CTNND2: variants seen among roughly 807,000 people sequenced by gnomAD.
CTNND2 encodes catenin delta 2, also known as catenin delta-2.
A neutral mutation model predicts 144.4 loss-of-function variants in CTNND2; 22 were observed. The observed-to-expected ratio is 0.15, with a 90% CI of 0.11 to 0.22. CTNND2 has a LOEUF of 0.22. Among genes scored for constraint, CTNND2 ranks in the 10% least tolerant of loss-of-function variants. CTNND2 has a pLI of 1.00. For missense variants in CTNND2, 1,353 were observed against 1,618.8 expected, an observed-to-expected ratio of 0.84 and a Z score of 2.82; for synonymous variants, 751 against 695.6, an observed-to-expected ratio of 1.08 and a Z score of -1.25.
chr5:11,446,665 G>T (rs943056060), intron 3 of CTNND2, among the ~76,000 whole-genome samples: 2 of 151,374 alleles, frequency 1.3e-5, no homozygotes, highest in African/African-American at 4.9e-5. Context: ...GCTGGGTTCA[G>T]TCTGTACCCC....
At chr5:11,764,296 T>G (rs1352073169) in intron 1 of CTNND2, among the ~76,000 whole-genome samples, 1 of 152,168 alleles carries the variant, frequency 6.6e-6, no homozygotes, top group Non-Finnish European at 1.5e-5. Context: ...ATTGGCCAAG[T>G]GAGGCCTATT....
Position 11,468,369 on chromosome 5 carries a change from A to ACTCATTT in CTNND2, c.288-56307_288-56301dup, listed in dbSNP as rs1434584097. Among the ~76,000 whole-genome samples the ACTCATTT allele has an allele frequency of 3.3e-5, 5 of 152,246 alleles. No homozygotes were observed. In the East Asian group the frequency reaches 7.7e-4, roughly 23 times the overall value. ...AGAAAATCATTAAGATGAATAATAA[A>ACTCATTT]CTCATTTAGGACACTTTTGGTTTTA... On this transcript the variant is annotated intron_variant, in intron 3 of 21. Transcript: ENST00000304623.
At chr5:11,682,573 A>G (rs945433533) in intron 2 of CTNND2, among the ~76,000 whole-genome samples, 14 of 152,276 alleles carry the variant, frequency 9.2e-5, no homozygotes, top group African/African-American at 3.4e-4. Flanking sequence ...TTCTTAACGG[A>G]TTTTTGCTGT....
chr5:11,619,117 T>C (rs142158676), intron 2 of CTNND2, among the ~76,000 whole-genome samples: 4,189 of 152,210 alleles, frequency 0.028, 82 homozygotes, highest in Non-Finnish European at 0.042. Flanking sequence ...CAACTCAAAA[T>C]TATTCTCAGG....
At chr5:11,169,183 T>A (rs1464051168) in intron 11 of CTNND2, among the ~76,000 whole-genome samples, 3 of 152,040 alleles carry the variant, frequency 2.0e-5, no homozygotes, top group Non-Finnish European at 4.4e-5. Flanking sequence ...CACCTTAAAA[T>A]CTCCCAGCCA....
chr5:11,050,938 C>T (rs559222198), intron 16 of CTNND2, among the ~76,000 whole-genome samples: 1 of 152,348 alleles, frequency 6.6e-6, no homozygotes, highest in East Asian at 1.9e-4. Context: ...ACAACTGAAG[C>T]TTCCCTTTTC....
At chr5:11,659,552 G>T (rs1477826605) in intron 2 of CTNND2, among the ~76,000 whole-genome samples, 2 of 152,024 alleles carry the variant, frequency 1.3e-5, no homozygotes, top group Admixed American at 1.3e-4. Context: ...CTGATCCATG[G>T]CTCTATACCC....
rs535292038 is a variant in CTNND2, at chr5:11,148,474, G to A, written c.2159+11102C>T. 2.3e-4 allele frequency among the ~76,000 whole-genome samples: 35 copies of A among 152,340 alleles called. 1 individual carries two copies. Among genetic ancestry groups the A allele is most frequent in the Non-Finnish European group, 1.8e-4 (12 of 68,038 alleles). ...GCTAGTTCGATCTGCCTGCAGGCAG[G>A]TGCATCTGGGCTTGGTGGTCTATGG... On this transcript the variant is annotated intron_variant, in intron 12 of 21. Transcript: ENST00000304623.
At chr5:11,380,905 C>T (rs1758418975) in intron 7 of CTNND2, among the ~76,000 whole-genome samples, 1 of 152,186 alleles carries the variant, frequency 6.6e-6, no homozygotes, top group South Asian at 2.1e-4. Flanking sequence ...TTTCTAATGG[C>T]TACATGCACT....
chr5:11,082,341 A>G (rs1257649183), intron 16 of CTNND2, among the ~76,000 whole-genome samples: 1 of 152,244 alleles, frequency 6.6e-6, no homozygotes, highest in Non-Finnish European at 1.5e-5. Context: ...TTTAAAATAG[A>G]GAGGGGAAGA....
chr5:11,026,164 C>T (rs1027982611), intron 16 of CTNND2, among the ~76,000 whole-genome samples: 11 of 152,032 alleles, frequency 7.2e-5, no homozygotes, highest in Non-Finnish European at 1.6e-4. Flanking sequence ...CACCTAGAGC[C>T]CAGCTGTGGT....
intron 3 of CTNND2, among the ~76,000 whole-genome samples, chr5:11,512,126 G>A (rs1321917520): frequency 1.3e-5 from 2 of 151,738 alleles, no homozygotes; most frequent in African/African-American, 2.4e-5. Context: ...TATGACCTAC[G>A]CAGTCTCATT....
At chr5:11,364,493 A>G (rs996620925) in intron 8 of CTNND2, 8 of 444,174 alleles carry the variant, frequency 1.8e-5, no homozygotes, top group African/African-American at 1.4e-4. Context: ...GCTTCCTTTC[A>G]TTCAGATTAT....
chr5:11,758,006 A>G (rs980974890), intron 1 of CTNND2, among the ~76,000 whole-genome samples: 1 of 152,030 alleles, frequency 6.6e-6, no homozygotes, highest in Non-Finnish European at 1.5e-5. Flanking sequence ...GTCATGTATT[A>G]TTTTGATTAG....
At chr5:11,426,859 G>C (rs1346908649) in intron 3 of CTNND2, among the ~76,000 whole-genome samples, 4 of 152,162 alleles carry the variant, frequency 2.6e-5, no homozygotes, top group African/African-American at 7.2e-5. Flanking sequence ...GGCAATTCAT[G>C]GTTCCATTTG....
chr5:11,816,663 G>GAGA (rs138217230), intron 1 of CTNND2, among the ~76,000 whole-genome samples: 3 of 4,296 alleles, frequency 7.0e-4, no homozygotes, highest in Admixed American at 3.7e-3. Flanking sequence ...GAGAGAGAGA[G>GAGA]GAGGAGAGAG....
chr5:11,157,935 C>T (rs1198166045), intron 12 of CTNND2, among the ~76,000 whole-genome samples: 2 of 152,104 alleles, frequency 1.3e-5, no homozygotes, highest in African/African-American at 4.8e-5. Context: ...TAAACTTAGC[C>T]AGATGATGTG....
Position 11,385,098 on chromosome 5 carries a change from G to T in CTNND2, c.744C>A (p.Ala248=). The change falls in exon 7 of 22, where the codon GCC becomes GCA. Residue 248 remains alanine (A), a synonymous_variant. Transcript: ENST00000304623. ...AGCTGGAGTAGTAGAGCGCGGCGGC[G>T]GCGGCGGCGGGCGGCGCGTCGGGCA... ...FHLPDAPPAA[A]AAALYYSSST... 1 of 1,032,204 alleles carries T rather than the reference G, an allele frequency of 9.7e-7. No individual in the cohort carries two copies. The highest frequency in any genetic ancestry group is 4.0e-5 in the South Asian group (1 of 25,272). 63.9% of individuals were successfully genotyped at this position (1,032,204 alleles called of 1,614,324 possible). A position where few individuals can be genotyped will look rare whatever the true frequency, so the allele number is the denominator to read the frequency against.
intron 3 of CTNND2, among the ~76,000 whole-genome samples, chr5:11,536,385 A>G (rs1187099302): frequency 1.3e-5 from 2 of 152,172 alleles, no homozygotes; most frequent in Non-Finnish European, 2.9e-5. Context: ...GTATCTACCC[A>G]GAGGAAAAGA....
Sources: gnomAD v4.1 joint callset for allele counts (sites outside exome capture counted in the v4.1 genomes callset) on GRCh38, gnomAD v4.1.1 for gene constraint, MANE v1.5 for transcripts, NCBI Gene and HGNC (gene_info 2026-07-23, HGNC 2026-07-21) for gene names.